ALDH1A1: variants seen among roughly 807,000 people sequenced by gnomAD.
The protein encoded by ALDH1A1 is aldehyde dehydrogenase 1A1.
In ALDH1A1, 19 loss-of-function variants were observed where a neutral mutation model predicts 62.1. The ratio of observed to expected loss-of-function variants is 0.31; its 90% confidence interval spans 0.21 to 0.45. ALDH1A1 has a LOEUF of 0.45. Ranked by LOEUF, ALDH1A1 falls within the 20% of genes least tolerant of loss-of-function variation. ALDH1A1 has a pLI of 1.00. For synonymous variants in ALDH1A1, 231 were observed against 215.9 expected, an observed-to-expected ratio of 1.07 and a Z score of -0.61; for missense variants, 521 against 607.1, an observed-to-expected ratio of 0.86 and a Z score of 1.49.
chr9:72,909,667 T>C lies in ALDH1A1; in HGVS notation c.1293A>G (p.Gly431=), dbSNP rs1411626530. 2 of 1,613,900 alleles carry C rather than the reference T, an allele frequency of 1.2e-6. No homozygotes were observed. Among genetic ancestry groups the C allele is most frequent in the African/African-American group, 1.3e-5 (1 of 74,926 alleles). ...CTTTATCAATGTCTTTGGTAAACAC[T>C]CCTGCTGATAAGCCATAGAAAGTAT... is the stretch of plus-strand genomic sequence containing the variant. The part of the protein sequence containing the change: ...ANNTFYGLSA[G]VFTKDIDKAI... Residue 431 remains glycine, a synonymous_variant, in exon 11 of 13, where the codon GGA becomes GGG. Coordinates refer to ENST00000297785, the MANE Select transcript of ALDH1A1 (RefSeq NM_000689.5).
chr9:72,931,158 C>A (rs377705461), intron 2 of ALDH1A1, 139 bp from the exon 3 acceptor site: 178 of 856,122 alleles, frequency 2.1e-4, no homozygotes, highest in Admixed American at 3.2e-4. Context: ...TAACACATTG[C>A]GCACATTCAA....
At chr9:72,914,218 C>A (rs1483511675) in intron 9 of ALDH1A1, among the ~76,000 whole-genome samples, 1 of 152,134 alleles carries the variant, frequency 6.6e-6, no homozygotes, top group Non-Finnish European at 1.5e-5. Context: ...GGAAAAAGCA[C>A]TTACATGTTC....
intron 2 of ALDH1A1, among the ~76,000 whole-genome samples, chr9:72,935,408 C>T (rs1482676661): frequency 6.6e-6 from 1 of 152,160 alleles, no homozygotes; most frequent in Non-Finnish European, 1.5e-5. Context: ...GATGAGATAT[C>T]AAATGCCTCC....
At chr9:72,905,458 TA>T (rs1225424694) in intron 12 of ALDH1A1, among the ~76,000 whole-genome samples, 2 of 152,102 alleles carry the variant, frequency 1.3e-5, no homozygotes, top group African/African-American at 4.8e-5. Context: ...CTTATGGTAA[TA>T]AAAAATGTTA....
chr9:72,934,326 C>G (rs1359435230), intron 2 of ALDH1A1, among the ~76,000 whole-genome samples: 1 of 152,176 alleles, frequency 6.6e-6, no homozygotes, highest in Non-Finnish European at 1.5e-5. Context: ...AATGCTGTCT[C>G]AAGTTCATTC....
chr9:72,912,927 T>C (rs1479789498), intron 9 of ALDH1A1, among the ~76,000 whole-genome samples: 1 of 152,208 alleles, frequency 6.6e-6, no homozygotes, highest in Non-Finnish European at 1.5e-5. Flanking sequence ...TCAATTTCTA[T>C]TTTGTGACAT....
At chr9:72,918,553 A>G (rs1376994239) in intron 8 of ALDH1A1, among the ~76,000 whole-genome samples, 167 bp downstream of exon 8, 1 of 147,072 alleles carries the variant, frequency 6.8e-6, no homozygotes, top group African/African-American at 2.5e-5. Context: ...CTTTAGGATG[A>G]TTTAAGAGAT....
intron 9 of ALDH1A1, among the ~76,000 whole-genome samples, chr9:72,914,376 C>T (rs942945331): frequency 6.6e-6 from 1 of 152,154 alleles, no homozygotes; most frequent in African/African-American, 2.4e-5. Flanking sequence ...ACCAAGCACT[C>T]TGATGGATAC....
At chr9:72,918,875 G>A (rs972317246) in intron 7 of ALDH1A1, 53 bp from the exon 8 acceptor site, 9 of 1,346,490 alleles carry the variant, frequency 6.7e-6, no homozygotes, top group Non-Finnish European at 9.5e-6. Context: ...ATGAACACAG[G>A]TTGCTTTAGC....
At position 72,911,959 on chromosome 9, in the gene ALDH1A1, T is replaced by A; in HGVS notation, c.1199A>T (p.Glu400Val). 1 of 1,613,802 alleles carries A rather than the reference T, an allele frequency of 6.2e-7. No homozygotes were observed. The highest frequency in any genetic ancestry group is 8.5e-7 in the Non-Finnish European group (1 of 1,179,826). ...VTDEMRIAKE[E>V]IFGPVQQIMK... ...ACAGAACAGAATGAAGCCATTTACC[T>A]CCTCTTTGGCAATGCGCATCTCATC... Residue 400 changes from glutamate to valine, a missense_variant and splice_region_variant, in exon 10 of 13, where the codon GAG (glutamate) becomes GTG (valine). Transcript: ENST00000297785.
In ALDH1A1 at chr9:72,925,536, G is replaced by A. The variant is rs1830194218; in HGVS notation, c.581C>T (p.Pro194Leu). The part of the protein sequence containing the change: ...LSCGNTVVVK[P>L]AEQTPLTALH... Reference sequence around the variant, plus strand: ...AGCAGTGAGAGGAGTTTGCTCTGCTGGTTTGACAACCACTGTGTTTCCACA... The same window carrying A: ...AGCAGTGAGAGGAGTTTGCTCTGCTAGTTTGACAACCACTGTGTTTCCACA... Residue 194 changes from proline (P) to leucine (L), a missense_variant, in exon 6 of 13, where the codon CCA becomes CTA. Transcript: ENST00000297785. The A allele has an allele frequency of 1.2e-6, 2 of 1,613,928 alleles. No homozygotes were observed. Among genetic ancestry groups the A allele is most frequent in the Admixed American group, 1.7e-5 (1 of 60,008 alleles).
intron 11 of ALDH1A1, among the ~76,000 whole-genome samples, chr9:72,907,293 TC>T (rs1357963452): frequency 1.3e-5 from 2 of 152,196 alleles, no homozygotes; most frequent in Non-Finnish European, 2.9e-5. Context: ...TGAGTAAACT[TC>T]CTGCAACTCT....
intron 2 of ALDH1A1, among the ~76,000 whole-genome samples, chr9:72,935,346 T>C (rs894454230): frequency 6.6e-6 from 1 of 152,144 alleles, no homozygotes; most frequent in Non-Finnish European, 1.5e-5. Context: ...AAAATGCTCC[T>C]TTTTTTGAAG....
intron 1 of ALDH1A1, among the ~76,000 whole-genome samples, chr9:72,943,987 G>A (rs995855843): frequency 6.6e-6 from 1 of 152,010 alleles, no homozygotes; most frequent in African/African-American, 2.4e-5. Flanking sequence ...AATCTTTGGA[G>A]GTTTGTAACA....
At chr9:72,919,797 A>C (rs1410797831) in intron 7 of ALDH1A1, among the ~76,000 whole-genome samples, 1 of 152,234 alleles carries the variant, frequency 6.6e-6, no homozygotes, top group Non-Finnish European at 1.5e-5. Flanking sequence ...CAGCTACTTC[A>C]GTTAGCTGGA....
intron 12 of ALDH1A1, among the ~76,000 whole-genome samples, chr9:72,901,948 C>T (rs576911677): frequency 2.0e-5 from 3 of 152,116 alleles, no homozygotes; most frequent in South Asian, 2.1e-4. Context: ...AAAAACATGA[C>T]CTTTATTTTT....
At chr9:72,902,085 A>T (rs548410466) in intron 12 of ALDH1A1, among the ~76,000 whole-genome samples, 1 of 151,854 alleles carries the variant, frequency 6.6e-6, no homozygotes, top group South Asian at 2.1e-4. Context: ...GTCCCCTACC[A>T]TTTTCTTGTA....
chr9:72,935,754 G>A (rs933990536), intron 2 of ALDH1A1, among the ~76,000 whole-genome samples: 6 of 151,946 alleles, frequency 3.9e-5, no homozygotes, highest in East Asian at 1.9e-4. Flanking sequence ...GTTGAAAGGC[G>A]GTATGTAGCC....
chr9:72,927,133 A>T lies in ALDH1A1; in HGVS notation c.487T>A (p.Cys163Ser). Residue 163 changes from cysteine to serine, a missense_variant, in exon 5 of 13, where the codon TGT (cysteine) becomes AGT (serine). By Grantham distance (112) the Cys-to-Ser change is moderately radical. Transcript: ENST00000297785. ...AAGCTTACAGGAATGATTTGGCCAC[A>T]TACACCAATAGGTTCATGTCTTGTA... ...TYTRHEPIGV[C>S]GQIIPWNFPL... 6.2e-7 allele frequency: 1 copy of T among 1,608,260 alleles called. No individual in the cohort carries two copies. The highest frequency in any genetic ancestry group is 8.5e-7 in the Non-Finnish European group (1 of 1,177,108).
Sources: gnomAD v4.1 joint callset for allele counts (sites outside exome capture counted in the v4.1 genomes callset) on GRCh38, gnomAD v4.1.1 for gene constraint, MANE v1.5 for transcripts, NCBI Gene and HGNC (gene_info 2026-07-23, HGNC 2026-07-21) for gene names.